Variants in PAK3 observed in about 807,000 individuals in gnomAD.
PAK3 encodes the protein p21 (RAC1) activated kinase 3, also known as serine/threonine-protein kinase PAK 3.
Under a neutral mutation model 41.0 loss-of-function variants are expected in PAK3, and 4 were observed. That is an observed-to-expected ratio of 0.10 (90% confidence interval 0.05 to 0.22). The LOEUF (loss-of-function observed/expected upper bound fraction) is 0.22, where lower values mean the gene tolerates loss of function less well. Ranked by LOEUF, PAK3 falls within the 10% of genes least tolerant of loss-of-function variation. The probability of loss-of-function intolerance (pLI) is 1.00; values close to 1 mark genes in which losing one functional copy is unlikely to be tolerated. For synonymous variants in PAK3, 146 were observed against 139.6 expected (o/e 1.05, Z -0.32); for missense variants, 205 against 409.9 (o/e 0.50, Z 4.32).
chrX:111,149,739 G>A (rs1054026046), intron 7 of PAK3, among the ~76,000 whole-genome samples: 1 of 111,412 alleles, frequency 9.0e-6, no homozygotes, highest in East Asian at 2.8e-4. Flanking sequence ...CCTGGAGCTG[G>A]CCCAAAAAAC....
chrX:111,186,421 G>A (rs1038295142), intron 11 of PAK3, among the ~76,000 whole-genome samples: 4 of 111,693 alleles, frequency 3.6e-5, no homozygotes, highest in Admixed American at 9.5e-5. Flanking sequence ...ATCTCCTTAA[G>A]CTGATAAGCA....
chrX:110,944,958 G>A (rs1301582522), intron 1 of PAK3, among the ~76,000 whole-genome samples: 5 of 111,950 alleles, frequency 4.5e-5, no homozygotes, highest in Non-Finnish European at 7.5e-5. Flanking sequence ...GATGGGGGCG[G>A]GGAGAGATGG....
intron 1 of PAK3, among the ~76,000 whole-genome samples, chrX:110,952,972 C>T (rs1056647136): frequency 1.8e-5 from 2 of 111,885 alleles, no homozygotes; most frequent in African/African-American, 6.5e-5. Context: ...ACATCATAGC[C>T]ACAGATATGG....
chrX:111,018,208 A>G (rs1186234438), intron 1 of PAK3, among the ~76,000 whole-genome samples: 2 of 111,705 alleles, frequency 1.8e-5, no homozygotes, highest in Non-Finnish European at 3.8e-5. Context: ...TGGCACCTCT[A>G]TTGAACATAG....
At chrX:111,217,623 GA>G in intron 17 of PAK3, 1 of 958,011 alleles carries the variant, frequency 1.0e-6, no homozygotes, top group Non-Finnish European at 1.3e-6. Flanking sequence ...CCTATTTGGA[GA>G]AACTGAAGAG....
At chrX:111,168,117 T>C (rs1214846120) in intron 10 of PAK3, among the ~76,000 whole-genome samples, 1 of 111,838 alleles carries the variant, frequency 8.9e-6, no homozygotes, top group Non-Finnish European at 1.9e-5. Flanking sequence ...ATCTTCATTA[T>C]GCTAAAAGGA....
At chrX:111,096,022 T>A (rs1045299853), upstream of PAK3, among the ~76,000 whole-genome samples, 1 of 111,699 alleles carries the variant, frequency 9.0e-6, no homozygotes, top group African/African-American at 3.3e-5. Context: ...CTTCAGTTTT[T>A]TCCCCCTCCC....
chrX:111,036,125 T>A (rs2092397069), intron 1 of PAK3, among the ~76,000 whole-genome samples: 1 of 111,863 alleles, frequency 8.9e-6, no homozygotes, highest in South Asian at 3.8e-4. Context: ...AGGGGGCTTG[T>A]TGAACACAGA....
intron 1 of PAK3, among the ~76,000 whole-genome samples, chrX:110,959,043 T>C (rs1338761795): frequency 2.7e-5 from 3 of 112,133 alleles, no homozygotes; most frequent in Non-Finnish European, 5.6e-5. Flanking sequence ...ACTCCTGCCA[T>C]ATGAGCAAGA....
intron 1 of PAK3, among the ~76,000 whole-genome samples, chrX:111,011,095 G>T (rs971892354): frequency 8.9e-6 from 1 of 111,894 alleles, no homozygotes; most frequent in Non-Finnish European, 1.9e-5. Flanking sequence ...GTGCTCAAAA[G>T]ATGGTGCCTC....
At chrX:111,105,458 C>T (rs779532455) in intron 4 of PAK3, among the ~76,000 whole-genome samples, 3 of 111,980 alleles carry the variant, frequency 2.7e-5, no homozygotes, top group Non-Finnish European at 5.6e-5. Flanking sequence ...CAATTTCATA[C>T]ACTCCAGTGT....
chrX:110,995,997 T>A (rs1454131636), intron 1 of PAK3, among the ~76,000 whole-genome samples: 1 of 112,073 alleles, frequency 8.9e-6, no homozygotes, highest in Non-Finnish European at 1.9e-5. Context: ...TCAAGTAGGT[T>A]CTTGTCCCCA....
chrX:111,042,164 T>A (rs1399333071), intron 1 of PAK3, among the ~76,000 whole-genome samples: 2 of 111,671 alleles, frequency 1.8e-5, no homozygotes, highest in African/African-American at 6.5e-5. Context: ...GCTGGAGAGA[T>A]GTGTGGTACC....
chrX:111,007,695 C>T (rs1401257853), intron 1 of PAK3, among the ~76,000 whole-genome samples: 1 of 111,910 alleles, frequency 8.9e-6, no homozygotes, highest in African/African-American at 3.3e-5. Context: ...CTACCATTTC[C>T]CCCTCAAGGT....
intron 1 of PAK3, among the ~76,000 whole-genome samples, chrX:111,048,712 T>C (rs1244901509): frequency 8.9e-6 from 1 of 112,146 alleles, no homozygotes; most frequent in Non-Finnish European, 1.9e-5. Flanking sequence ...AATCCATCCA[T>C]GTTGTCTATC....
intron 1 of PAK3, among the ~76,000 whole-genome samples, chrX:111,009,040 T>C (rs189514972): frequency 1.1e-3 from 119 of 111,089 alleles, no homozygotes; most frequent in African/African-American, 3.6e-3. Flanking sequence ...AATATTGAAG[T>C]AAAATTCATA....
chrX:111,162,282 A>G (rs774576920), intron 8 of PAK3, among the ~76,000 whole-genome samples: 9 of 112,016 alleles, frequency 8.0e-5, no homozygotes, highest in African/African-American at 2.6e-4. Flanking sequence ...ATTGCAGTTT[A>G]TAAAATATTG....
intron 1 of PAK3, among the ~76,000 whole-genome samples, chrX:111,076,908 C>T (rs765969880): frequency 1.8e-5 from 2 of 110,954 alleles, no homozygotes; most frequent in South Asian, 7.7e-4. Flanking sequence ...ATGACATAAT[C>T]TTATATATAG....
chrX:111,014,596 G>A (rs1034633529), intron 1 of PAK3, among the ~76,000 whole-genome samples: 6 of 111,188 alleles, frequency 5.4e-5, no homozygotes, highest in Non-Finnish European at 1.1e-4. Flanking sequence ...CCTCTCCCAT[G>A]AGACTTCCAA....
Sources: allele counts gnomAD v4.1 joint callset (sites outside exome capture counted in the v4.1 genomes callset), GRCh38; gene constraint gnomAD v4.1.1; transcripts MANE v1.5; gene names NCBI Gene and HGNC (gene_info 2026-07-23, HGNC 2026-07-21).